Variants in PBX1 observed in about 807,000 individuals in gnomAD.
PBX1 encodes PBX homeobox 1.
A neutral mutation model predicts 53.4 loss-of-function variants in PBX1; 6 were observed. That is an observed-to-expected ratio of 0.11 (90% CI 0.06 to 0.22). PBX1 has a LOEUF of 0.22. PBX1 is among the 10% of genes least tolerant of loss of function. The pLI is 1.00. For synonymous variants in PBX1, 204 were observed against 212.3 expected (o/e 0.96, Z 0.34); for missense variants, 251 against 551.4 (o/e 0.46, Z 5.46).
At chr1:164,582,511 C>T (rs1246467316) in intron 2 of PBX1, among the ~76,000 whole-genome samples, 2 of 151,816 alleles carry the variant, frequency 1.3e-5, no homozygotes, top group Admixed American at 1.3e-4. Flanking sequence ...CAACCTCTGC[C>T]TCCTGGGTTC....
chr1:164,593,880 C>G (rs1015680126), intron 2 of PBX1, among the ~76,000 whole-genome samples: 1 of 152,108 alleles, frequency 6.6e-6, no homozygotes, highest in Non-Finnish European at 1.5e-5. Context: ...GCTCCTGATT[C>G]TCTCAGAGTT....
chr1:164,726,453 A>T (rs961180443), intron 2 of PBX1, among the ~76,000 whole-genome samples: 2 of 152,216 alleles, frequency 1.3e-5, no homozygotes, highest in African/African-American at 4.8e-5. Flanking sequence ...TGTTTACTCA[A>T]TCATGTGGCA....
At chr1:164,765,460 T>C (rs1356410400) in intron 2 of PBX1, among the ~76,000 whole-genome samples, 1 of 152,170 alleles carries the variant, frequency 6.6e-6, no homozygotes. Flanking sequence ...CGATAATGGC[T>C]CCCTTCTGGT....
intron 2 of PBX1, among the ~76,000 whole-genome samples, chr1:164,630,248 A>T (rs1658324238): frequency 6.6e-6 from 1 of 152,162 alleles, no homozygotes; most frequent in African/African-American, 2.4e-5. Context: ...TTCTTGGATG[A>T]CGTGAAAAAG....
At chr1:164,627,501 G>T in intron 2 of PBX1, among the ~76,000 whole-genome samples, 1 of 152,188 alleles carries the variant, frequency 6.6e-6, no homozygotes, top group Non-Finnish European at 1.5e-5. Context: ...TAGAGTCAGA[G>T]GTGGTGGCAT....
intron 8 of PBX1, among the ~76,000 whole-genome samples, chr1:164,822,475 A>G (rs1399949418): frequency 1.3e-5 from 2 of 152,124 alleles, no homozygotes; most frequent in African/African-American, 2.4e-5. Flanking sequence ...TTCTGTTGCT[A>G]TGATTAAAGT....
chr1:164,830,268 G>C (rs1375577416), intron 8 of PBX1, among the ~76,000 whole-genome samples: 1 of 152,188 alleles, frequency 6.6e-6, no homozygotes, highest in Non-Finnish European at 1.5e-5. Flanking sequence ...AAATTGGCAG[G>C]AGAGTGATAA....
intron 2 of PBX1, among the ~76,000 whole-genome samples, chr1:164,659,333 A>C (rs766209439): frequency 2.6e-5 from 4 of 152,220 alleles, no homozygotes; most frequent in Admixed American, 6.5e-5. Flanking sequence ...AGGCATCCAC[A>C]GATCTTTTCC....
intron 2 of PBX1, among the ~76,000 whole-genome samples, chr1:164,740,841 G>A (rs1387873998): frequency 6.6e-6 from 1 of 152,144 alleles, no homozygotes; most frequent in Non-Finnish European, 1.5e-5. Context: ...TCTATGGGAA[G>A]ATAGAAAAGG....
At chr1:164,591,310 C>T (rs1655361647) in intron 2 of PBX1, among the ~76,000 whole-genome samples, 1 of 152,130 alleles carries the variant, frequency 6.6e-6, no homozygotes, top group Non-Finnish European at 1.5e-5. Context: ...CCGCTCCTGG[C>T]CCCCAGTTAA....
At chr1:164,852,495 C>T (rs1671880471), downstream of PBX1, among the ~76,000 whole-genome samples, 1 of 152,194 alleles carries the variant, frequency 6.6e-6, no homozygotes, top group African/African-American at 2.4e-5. Context: ...AAGTCTGTGC[C>T]CAAGTCTTTA....
At chr1:164,585,327 C>A (rs929642884) in intron 2 of PBX1, among the ~76,000 whole-genome samples, 1 of 152,194 alleles carries the variant, frequency 6.6e-6, no homozygotes, top group African/African-American at 2.4e-5. Flanking sequence ...GGGTCATTCC[C>A]TGGGGATACC....
intron 5 of PBX1, 71 bp from the exon 6 acceptor site, chr1:164,811,919 C>CTTTTTTTTTTTTTT: frequency 7.3e-7 from 1 of 1,368,160 alleles, no homozygotes; most frequent in Admixed American, 2.1e-5. Context: ...CCCATAAAGC[C>CTTTTTTTTTTTTTT]TTTTTTTTCT....
intron 2 of PBX1, among the ~76,000 whole-genome samples, chr1:164,658,254 T>C (rs925362740): frequency 1.3e-5 from 2 of 151,620 alleles, no homozygotes; most frequent in Admixed American, 6.6e-5. Flanking sequence ...ACTGTTTAGC[T>C]CAATTGTAAA....
At chr1:164,560,111 T>C (rs965182318) in intron 1 of PBX1, 98 bp downstream of exon 1, 2 of 875,000 alleles carry the variant, frequency 2.3e-6, no homozygotes, top group African/African-American at 3.6e-5. Context: ...AGCGCTTTTT[T>C]TGAAAAATGT....
At chr1:164,696,944 T>A (rs1014740175) in intron 2 of PBX1, among the ~76,000 whole-genome samples, 1 of 152,206 alleles carries the variant, frequency 6.6e-6, no homozygotes, top group African/African-American at 2.4e-5. Flanking sequence ...GGAGTCAGAC[T>A]GACCCAAATT....
intron 8 of PBX1, among the ~76,000 whole-genome samples, chr1:164,842,857 A>G (rs772080336): frequency 1.3e-5 from 2 of 152,144 alleles, no homozygotes; most frequent in Non-Finnish European, 2.9e-5. Flanking sequence ...TAGAGAGGGA[A>G]GCTGAGGTGC....
At chr1:164,590,161 G>A (rs1055233917) in intron 2 of PBX1, among the ~76,000 whole-genome samples, 10 of 151,620 alleles carry the variant, frequency 6.6e-5, no homozygotes, top group South Asian at 2.1e-4. Flanking sequence ...GCAGTGAGCC[G>A]TGATCGTGCT....
chr1:164,870,360 T>TCTTTCTTTCTTC (rs1192446196), intron 2 of PBX1, among the ~76,000 whole-genome samples: 1 of 95,632 alleles, frequency 1.0e-5, no homozygotes, highest in Non-Finnish European at 2.2e-5. Context: ...TTTCTTTCTT[T>TCTTTCTTTCTTC]CGAGATGAAG....
Sources: allele counts gnomAD v4.1 joint callset (sites outside exome capture counted in the v4.1 genomes callset), GRCh38; gene constraint gnomAD v4.1.1; transcripts MANE v1.5; gene names NCBI Gene and HGNC (gene_info 2026-07-23, HGNC 2026-07-21).